The following CSMD2 variants were observed in gnomAD, a reference collection of about 807,000 sequenced individuals.
CSMD2 encodes the protein CUB and sushi domain-containing protein 2.
CSMD2 carries 130 observed loss-of-function variants against 398.5 expected under a neutral mutation model. That is an observed-to-expected ratio of 0.33 (90% confidence interval 0.28 to 0.38). The LOEUF (loss-of-function observed/expected upper bound fraction) is 0.38, where lower values mean the gene tolerates loss of function less well. CSMD2 is among the 10% of genes least tolerant of loss of function. CSMD2 has a pLI of 1.00. For synonymous variants in CSMD2, 1,828 were observed against 1,908.5 expected (o/e 0.96, Z 1.10); for missense variants, 3,829 against 4,764.9 (o/e 0.80, Z 5.78).
intron 2 of CSMD2, among the ~76,000 whole-genome samples, chr1:34,061,689 A>G (rs1479060510): frequency 6.6e-6 from 1 of 152,238 alleles, no homozygotes; most frequent in African/African-American, 2.4e-5. Flanking sequence ...TGCCTGGTAC[A>G]TAGTAAGTGC....
In CSMD2 at chr1:34,164,689, G is replaced by C. The variant is rs990244007; in HGVS notation, c.187+222C>G. ...CGCATCCGTCCAAGTTGCGGCTGGGGTTGGGGCAGCAGTGAGGGTGAGGGT... is the reference window on the plus strand; with the variant it reads ...CGCATCCGTCCAAGTTGCGGCTGGGCTTGGGGCAGCAGTGAGGGTGAGGGT... On this transcript the variant is annotated intron_variant, in intron 1 of 70. Transcript: ENST00000373381. This position sits in a 1 kb window ranked among gnomAD's most constrained non-coding sequence, Gnocchi z 6.2. Among the ~76,000 whole-genome samples, 1 of 152,100 alleles carries C rather than the reference G, an allele frequency of 6.6e-6. No homozygotes were observed. The highest frequency in any genetic ancestry group is 2.4e-5 in the African/African-American group (1 of 41,432).
intron 1 of CSMD2, among the ~76,000 whole-genome samples, chr1:34,137,643 G>GCCTGGCCCAA (rs1279711291): frequency 3.3e-5 from 5 of 152,292 alleles, no homozygotes; most frequent in African/African-American, 4.8e-5. Context: ...GCCTGTTCCA[G>GCCTGGCCCAA]CCTGGCCCAA....
At chr1:33,818,398 T>G (rs1314643378) in intron 9 of CSMD2, among the ~76,000 whole-genome samples, 3 of 152,196 alleles carry the variant, frequency 2.0e-5, no homozygotes, top group Non-Finnish European at 4.4e-5. Flanking sequence ...TCTACTGGCA[T>G]GAGGATATTT....
Position 33,747,461 on chromosome 1 carries a change from C to A in CSMD2, c.1847-3855G>T, listed in dbSNP as rs572786335. ...TTAGAGAAATATAGGTTGGAGCATG[C>A]TTTTAAAGATGTTAAGTGTAATTAG... On this transcript the variant is annotated intron_variant, in intron 13 of 70. Transcript: ENST00000373381. Among the ~76,000 whole-genome samples the A allele has an allele frequency of 3.3e-5, 5 of 152,170 alleles. No homozygotes were observed. In the East Asian group the frequency reaches 9.7e-4, roughly 29 times the overall value.
At chr1:33,771,969 T>C (rs1057041806) in intron 13 of CSMD2, 5 of 152,280 alleles carry the variant, frequency 3.3e-5, no homozygotes, top group Non-Finnish European at 7.3e-5. Context: ...TATGGTCAGG[T>C]CATCCAAGAG....
Position 34,164,896 on chromosome 1 carries a change from C to T in CSMD2, c.187+15G>A. 1 of 1,218,380 alleles carries T rather than the reference C, an allele frequency of 8.2e-7. No individual in the cohort carries two copies. Among genetic ancestry groups the T allele is most frequent in the Non-Finnish European group, 1.0e-6 (1 of 979,426 alleles). The allele number at this position is 1,218,380 out of a possible 1,614,324, so 75.5% of individuals were successfully genotyped here. ...CGCGCGGCGGCCGCTGGCTCCTCGG[C>T]GCGGCTGGACTCACCCGCGGCGGCC... On this transcript the variant is annotated intron_variant, in intron 1 of 70. Coordinates refer to ENST00000373381, the MANE Select transcript of CSMD2 (RefSeq NM_001281956.2). The surrounding 1 kb of genome is among the most constrained non-coding windows in gnomAD (Gnocchi z 6.2).
At chr1:33,730,091 G>A (rs1646672842) in intron 15 of CSMD2, among the ~76,000 whole-genome samples, 2 of 152,030 alleles carry the variant, frequency 1.3e-5, no homozygotes, top group Admixed American at 1.3e-4. Context: ...AATAAACTAG[G>A]GTAATCAACA....
rs956648703 is a variant in CSMD2, at chr1:33,694,477, T to C, written c.3926-1421A>G. On this transcript the variant is annotated intron_variant, in intron 24 of 70. Transcript: ENST00000373381. The stretch of plus-strand genomic sequence containing the variant: ...ATCATGGGGCCAGTTTTCCCCATAC[T>C]GTTCTCATGATAGTGAGTGAGCTCT... Among the ~76,000 whole-genome samples the C allele has an allele frequency of 2.6e-5, 4 of 152,306 alleles. No homozygotes were observed. The East Asian group carries it at 7.7e-4, about 29-fold the overall frequency.
chr1:33,533,786 C>T lies in CSMD2; in HGVS notation c.9991+10G>A, dbSNP rs1341035615. 14 of 1,580,842 alleles carry T rather than the reference C, an allele frequency of 8.9e-6. No homozygotes were observed. The highest frequency in any genetic ancestry group is 1.1e-5 in the South Asian group (1 of 90,364). On this transcript the variant is annotated intron_variant, in intron 63 of 70. Transcript: ENST00000373381. The surrounding 1 kb of genome is among the most constrained non-coding windows in gnomAD (Gnocchi z 4.2). Reference sequence around the variant, plus strand: ...AATTTTCTTGGGATGTGGGTGAAGTCTGCACTCACGGACACAGTCAGGTGG... The same window carrying T: ...AATTTTCTTGGGATGTGGGTGAAGTTTGCACTCACGGACACAGTCAGGTGG...
chr1:33,704,156 C>T (rs928311640), intron 22 of CSMD2, among the ~76,000 whole-genome samples: 1 of 152,110 alleles, frequency 6.6e-6, no homozygotes, highest in Admixed American at 6.6e-5. Context: ...GAGACTTTCC[C>T]TCCTGATTGC....
intron 15 of CSMD2, among the ~76,000 whole-genome samples, chr1:33,730,616 TG>T (rs1487443154): frequency 2.7e-5 from 3 of 112,584 alleles, no homozygotes; most frequent in African/African-American, 1.6e-4. Context: ...CAAAAAGAAA[TG>T]AAAAAAAAAA....
chr1:33,643,187 G>A (rs564592811), intron 29 of CSMD2, among the ~76,000 whole-genome samples: 121 of 152,332 alleles, frequency 7.9e-4, no homozygotes, highest in African/African-American at 2.7e-3. Flanking sequence ...GAGGTCCTCA[G>A]TGGGCTGCCT....
At position 33,705,037 on chromosome 1, in the gene CSMD2, C is replaced by A. The variant is rs1645730406; in HGVS notation, c.3576+4052G>T. 3.3e-5 allele frequency among the ~76,000 whole-genome samples: 5 copies of A among 151,488 alleles called. No individual in the cohort carries two copies. In the South Asian group the frequency reaches 1.0e-3, roughly 32 times the overall value. ...AGCCAAATTCAATCAGATTTATACT[C>A]AAAATTTTTAGATCTGTGATCAAAA... On this transcript the variant is annotated intron_variant, in intron 22 of 70. Coordinates refer to ENST00000373381, the MANE Select transcript of CSMD2 (RefSeq NM_001281956.2).
chr1:33,735,474 T>C (rs1227833614), intron 15 of CSMD2, among the ~76,000 whole-genome samples: 2 of 152,172 alleles, frequency 1.3e-5, no homozygotes, highest in Non-Finnish European at 2.9e-5. Context: ...AATTTCTGAT[T>C]TTACACCTAA....
intron 43 of CSMD2, among the ~76,000 whole-genome samples, chr1:33,601,258 G>A (rs1229568652): frequency 1.3e-5 from 2 of 152,090 alleles, no homozygotes; most frequent in African/African-American, 2.4e-5. Flanking sequence ...CAGCCCAATG[G>A]GCTCCTGGGC....
chr1:33,523,285 G>C (rs759221735), intron 67 of CSMD2, 22 bp downstream of exon 67: 35 of 1,097,062 alleles, frequency 3.2e-5, no homozygotes, highest in Non-Finnish European at 3.8e-5. Context: ...GTCAGGGGAG[G>C]AGGTGAGTTT....
intron 43 of CSMD2, among the ~76,000 whole-genome samples, chr1:33,601,469 T>C (rs905721761): frequency 1.3e-5 from 2 of 152,186 alleles, no homozygotes; most frequent in Non-Finnish European, 2.9e-5. Flanking sequence ...TGAAACCTTA[T>C]CTAACCCCTC....
rs188086126 is a variant in CSMD2, at chr1:33,938,089, A to G, written c.518-2135T>C. Among the ~76,000 whole-genome samples the G allele has an allele frequency of 2.6e-5, 4 of 152,382 alleles. No individual in the cohort carries two copies. The East Asian group carries it at 5.8e-4, about 22-fold the overall frequency. ...TTACCGTGCTTGGCACAGTGGGGCC[A>G]GCCCTCAGAGGCTTATATTTTTGTG... On this transcript the variant is annotated intron_variant, in intron 3 of 70. Transcript: ENST00000373381.
chr1:34,041,413 C>G, intron 2 of CSMD2, among the ~76,000 whole-genome samples: 1 of 152,320 alleles, frequency 6.6e-6, no homozygotes, highest in East Asian at 1.9e-4. Context: ...AATTCTTCCC[C>G]TTTATGCATG....
Sources: allele counts gnomAD v4.1 joint callset (sites outside exome capture counted in the v4.1 genomes callset), GRCh38; gene constraint gnomAD v4.1.1; non-coding constraint Gnocchi (gnomAD v3.1); transcripts MANE v1.5; gene names NCBI Gene and HGNC (gene_info 2026-07-23, HGNC 2026-07-21).